The following ASXL1 variants were observed in gnomAD, a reference collection of about 807,000 sequenced individuals.
ASXL1 encodes ASXL transcriptional regulator 1.
In ASXL1, 65 loss-of-function variants were observed where a neutral mutation model predicts 89.1. The observed-to-expected ratio is 0.73, with a 90% confidence interval of 0.60 to 0.90. The LOEUF is 0.90. ASXL1 is among the 40% of genes least tolerant of loss of function. ASXL1 has a pLI of 0.00. For missense variants in ASXL1, 1,786 were observed against 1,942.9 expected (o/e 0.92, Z 1.52); for synonymous variants, 739 against 746.9 (o/e 0.99, Z 0.17).
At chr20:32,383,553 C>T (rs546295307) in intron 4 of ASXL1, among the ~76,000 whole-genome samples, 20 of 152,226 alleles carry the variant, frequency 1.3e-4, no homozygotes, top group Admixed American at 1.1e-3. Flanking sequence ...GTGATCCTCC[C>T]GCCTCGGCCT....
chr20:32,402,883 T>C (rs1441662520), intron 4 of ASXL1, among the ~76,000 whole-genome samples: 1 of 152,212 alleles, frequency 6.6e-6, no homozygotes, highest in African/African-American at 2.4e-5. Context: ...TCTTTTAATT[T>C]GCCTAAGAGT....
Position 32,436,735 on chromosome 20 carries a change from C to G in ASXL1, c.4023C>G (p.Ser1341Arg). 1 of 1,614,086 alleles carries G rather than the reference C, an allele frequency of 6.2e-7. No homozygotes were observed. The highest frequency in any genetic ancestry group is 8.5e-7 in the Non-Finnish European group (1 of 1,180,030). The change falls in exon 13 of 13, where the codon AGC becomes AGG. Residue 1341 changes from serine to arginine, a missense_variant. By Grantham distance (110) the Ser-to-Arg change is moderately radical (BLOSUM62 -1). This residue lies in a region of ASXL1 where 1,418 missense variants were observed against 1,427.8 expected (regional missense o/e 0.99). Transcript: ENST00000375687. ...TTCCCAGTGGGAAGTTGGGACCAAG[C>G]ACAAACTCCATGTCTGGTGGGGTAC... is the stretch of plus-strand genomic sequence containing the variant. ...PVFPSGKLGPSTNSMSGGVQT... is the reference protein window; with the variant it reads ...PVFPSGKLGPRTNSMSGGVQT...
At chr20:32,400,887 C>T (rs894330161) in intron 4 of ASXL1, among the ~76,000 whole-genome samples, 3 of 152,154 alleles carry the variant, frequency 2.0e-5, no homozygotes, top group Non-Finnish European at 2.9e-5. Flanking sequence ...TTGCCTGCTG[C>T]GCAGCATCTT....
intron 4 of ASXL1, among the ~76,000 whole-genome samples, chr20:32,418,029 T>C (rs2123142725): frequency 6.6e-6 from 1 of 151,948 alleles, no homozygotes; most frequent in South Asian, 2.1e-4. Context: ...ATACAAAAAA[T>C]TAGCTGGGCA....
chr20:32,369,849 C>G (rs1183188063), intron 4 of ASXL1, among the ~76,000 whole-genome samples: 3 of 150,894 alleles, frequency 2.0e-5, no homozygotes, highest in African/African-American at 7.3e-5. Flanking sequence ...CTGCCTCAGC[C>G]TCCTGAGTAG....
chr20:32,424,554 C>T (rs539646751), intron 4 of ASXL1, among the ~76,000 whole-genome samples: 1 of 152,158 alleles, frequency 6.6e-6, no homozygotes, highest in South Asian at 2.1e-4. Flanking sequence ...AACAAAAAAA[C>T]TGCCACCTAG....
rs1227068704 is a variant in ASXL1, at chr20:32,398,813, T to G, written c.253-29315T>G. Among the ~76,000 whole-genome samples the G allele has an allele frequency of 8.6e-5, 13 of 151,292 alleles. 1 individual carries two copies. The East Asian group carries it at 2.4e-3, about 28-fold the overall frequency. On this transcript the variant is annotated intron_variant, in intron 4 of 12. Transcript: ENST00000375687. ...TTTAGTAGAGACGGGGTTTCACCGT[T>G]TTAGCTGGGATGGTCTCGATCTCCT...
In ASXL1 at chr20:32,434,669, G is replaced by T; in HGVS notation, c.1957G>T (p.Gly653Trp). ...GGGGPGGGGGGATDEGGGRGS... is the reference protein window; with the variant it reads ...GGGGPGGGGGWATDEGGGRGS... ...GGGTGGCCCGGGTGGAGGTGGCGGC[G>T]GGGCCACCGATGAGGGAGGTGGCAG... Residue 653 changes from glycine (G) to tryptophan (W), a missense_variant, in exon 13 of 13, where the codon GGG becomes TGG. Around this residue, in one of 3 missense-constraint regions of ASXL1, gnomAD observed 1,418 missense variants for 1,427.8 expected, o/e 0.99. Transcript: ENST00000375687. The T allele has an allele frequency of 6.2e-7, 1 of 1,602,068 alleles. No homozygotes were observed. The highest frequency in any genetic ancestry group is 2.3e-5 in the East Asian group (1 of 44,118).
At chr20:32,411,784 C>G (rs909539091) in intron 4 of ASXL1, among the ~76,000 whole-genome samples, 2 of 152,088 alleles carry the variant, frequency 1.3e-5, no homozygotes, top group African/African-American at 4.8e-5. Flanking sequence ...GTTATCCACC[C>G]GCTTTGGCCT....
At chr20:32,397,742 T>C (rs2048795047) in intron 4 of ASXL1, among the ~76,000 whole-genome samples, 1 of 152,194 alleles carries the variant, frequency 6.6e-6, no homozygotes. Context: ...TTGGGCAGCA[T>C]CGAAAGTTTA....
At chr20:32,389,758 G>A (rs1216482408) in intron 4 of ASXL1, among the ~76,000 whole-genome samples, 1 of 152,132 alleles carries the variant, frequency 6.6e-6, no homozygotes, top group Non-Finnish European at 1.5e-5. Context: ...TGTAGAGACA[G>A]GGTTTCACCA....
intron 4 of ASXL1, among the ~76,000 whole-genome samples, chr20:32,400,596 C>T (rs1457044401): frequency 6.6e-6 from 1 of 152,118 alleles, no homozygotes; most frequent in Non-Finnish European, 1.5e-5. Context: ...TCCTTGCTGC[C>T]CATGGTCTTG....
chr20:32,420,494 T>C (rs1337867921), intron 4 of ASXL1, among the ~76,000 whole-genome samples: 1 of 149,992 alleles, frequency 6.7e-6, no homozygotes, highest in Non-Finnish European at 1.5e-5. Context: ...AGATGGTTTA[T>C]TTTTTTTCAA....
chr20:32,417,716 G>A (rs1600553447), intron 4 of ASXL1, among the ~76,000 whole-genome samples: 1 of 152,022 alleles, frequency 6.6e-6, no homozygotes, highest in African/African-American at 2.4e-5. Context: ...ATAGGTATGT[G>A]TAGGTTTAAA....
chr20:32,429,333 C>A lies in ASXL1; in HGVS notation c.472-5C>A. On this transcript the variant is annotated splice_region_variant and splice_polypyrimidine_tract_variant and intron_variant, in intron 6 of 12. Transcript: ENST00000375687. This position sits in a 1 kb window ranked among gnomAD's most constrained non-coding sequence, Gnocchi z 4.9. ...GGCTCTCTTTTGTTCTCTCTTGGAA[C>A]GCAGGCGAACAAACAAAAGAAAAAG... 1 of 1,613,852 alleles carries A rather than the reference C, an allele frequency of 6.2e-7. No individual in the cohort carries two copies. Among genetic ancestry groups the A allele is most frequent in the Non-Finnish European group, 8.5e-7 (1 of 1,179,856 alleles).
Position 32,385,980 on chromosome 20 carries a change from A to G in ASXL1, c.252+16857A>G, listed in dbSNP as rs187059215. ...CCACTTTTTCCTGGCCACAGGTTTC[A>G]AGAGCTGACAACTTACCTCAGTTCT... On this transcript the variant is annotated intron_variant, in intron 4 of 12. Transcript: ENST00000375687. Among the ~76,000 whole-genome samples, 388 of 152,308 alleles carry G rather than the reference A, an allele frequency of 2.5e-3. 2 individuals carry two copies. The highest frequency in any genetic ancestry group is 8.7e-3 in the African/African-American group (361 of 41,564).
Position 32,429,190 on chromosome 20 carries a change from A to G in ASXL1, c.472-148A>G. On this transcript the variant is annotated intron_variant, in intron 6 of 12. Transcript: ENST00000375687. The surrounding 1 kb of genome is among the most constrained non-coding windows in gnomAD (Gnocchi z 4.9). ...ACCAGCACGTAGCTCAGTAACATTA[A>G]CCAGTGCTCTTGTCAGCATTATTTG... The G allele has an allele frequency of 2.6e-6, 2 of 782,358 alleles. No individual in the cohort carries two copies. Among genetic ancestry groups the G allele is most frequent in the African/African-American group, 1.7e-5 (1 of 58,354 alleles). The allele number at this position is 782,358 out of a possible 1,614,324, so 48.5% of individuals were successfully genotyped here.
rs757582220 is a variant in ASXL1, at chr20:32,437,365, ATATT to A, written c.*30_*33del. ...AAATTATGGCCATGGGAAACATTGTATATTTAGTGTGTGTATTTTGATAATGATT... is the reference window on the plus strand; with the variant it reads ...AAATTATGGCCATGGGAAACATTGTATAGTGTGTGTATTTTGATAATGATT... On this transcript the variant is annotated 3_prime_UTR_variant, in exon 13 of 13. Coordinates refer to ENST00000375687, the MANE Select transcript of ASXL1 (RefSeq NM_015338.6). The A allele has an allele frequency of 1.2e-6, 2 of 1,604,312 alleles. No homozygotes were observed. Among genetic ancestry groups the A allele is most frequent in the Non-Finnish European group, 1.7e-6 (2 of 1,171,244 alleles).
chr20:32,384,383 A>G (rs374650876), intron 4 of ASXL1, among the ~76,000 whole-genome samples: 6 of 151,780 alleles, frequency 4.0e-5, no homozygotes, highest in African/African-American at 1.5e-4. Context: ...TGTATTTTTA[A>G]TAGAGATGGG....
Sources: allele counts gnomAD v4.1 joint callset (sites outside exome capture counted in the v4.1 genomes callset), GRCh38; gene constraint gnomAD v4.1.1; regional missense constraint gnomAD v4.1.1; non-coding constraint Gnocchi (gnomAD v3.1); transcripts MANE v1.5; gene names NCBI Gene and HGNC (gene_info 2026-07-23, HGNC 2026-07-21).